The following COL22A1 variants were observed in gnomAD, a reference collection of about 807,000 sequenced individuals.
The protein encoded by COL22A1 is collagen type XXII alpha 1 chain.
A neutral mutation model predicts 248.9 loss-of-function variants in COL22A1; 221 were observed. That is an observed-to-expected ratio of 0.89 (90% confidence interval 0.80 to 0.99). The LOEUF (loss-of-function observed/expected upper bound fraction) is 0.99. Among genes scored for constraint, COL22A1 ranks in the 50% least tolerant of loss-of-function variants. COL22A1 has a pLI of 0.00. For synonymous variants in COL22A1, 891 were observed against 793.4 expected, an observed-to-expected ratio of 1.12 and a Z score of -2.07; for missense variants, 2,240 against 2,179.0, an observed-to-expected ratio of 1.03 and a Z score of -0.56.
intron 10 of COL22A1, 66 bp downstream of exon 10, chr8:138,807,702 T>C: frequency 1.4e-6 from 2 of 1,479,748 alleles, no homozygotes; most frequent in Non-Finnish European, 9.4e-7. Context: ...TCTTTTGTCT[T>C]ATATAGACAG....
At chr8:138,785,270 G>T (rs1815417701) in intron 12 of COL22A1, among the ~76,000 whole-genome samples, 1 of 152,160 alleles carries the variant, frequency 6.6e-6, no homozygotes, top group Admixed American at 6.5e-5. Context: ...GAGCAATAAA[G>T]TGGGCTCAGC....
intron 3 of COL22A1, among the ~76,000 whole-genome samples, chr8:138,864,821 T>C (rs555397029): frequency 7.2e-5 from 11 of 152,268 alleles, no homozygotes; most frequent in African/African-American, 2.6e-4. Flanking sequence ...CAGCCCAACC[T>C]GAGCACAGGC....
In COL22A1 at chr8:138,679,634, C is replaced by T; in HGVS notation, c.3055G>A (p.Gly1019Arg). 1 of 1,614,088 alleles carries T rather than the reference C, an allele frequency of 6.2e-7. No homozygotes were observed. Among genetic ancestry groups the T allele is most frequent in the Non-Finnish European group, 8.5e-7 (1 of 1,179,960 alleles). The change falls in exon 40 of 65, where the codon GGA becomes AGA. Residue 1019 changes from glycine (G) to arginine (R), a missense_variant. Transcript: ENST00000303045. ...TCACTGACCTTAACACATTGCCCTC[C>T]CAGTGCACAGTTTTCTGACCCTCTG... ...KVRGSENCAL[G>R]GQCVKGDRGA...
intron 12 of COL22A1, among the ~76,000 whole-genome samples, chr8:138,796,614 C>T (rs1217236372): frequency 2.0e-5 from 3 of 151,720 alleles, no homozygotes; most frequent in Non-Finnish European, 4.4e-5. Flanking sequence ...CTGTCTCCAC[C>T]TTCTCTCTTT....
intron 39 of COL22A1, among the ~76,000 whole-genome samples, chr8:138,681,562 GC>G (rs1458044793): frequency 6.6e-6 from 1 of 152,098 alleles, no homozygotes; most frequent in Non-Finnish European, 1.5e-5. Flanking sequence ...TGCCCTCTAG[GC>G]CCTGAGGGTC....
intron 16 of COL22A1, among the ~76,000 whole-genome samples, chr8:138,772,079 C>A (rs938961774): frequency 2.3e-5 from 3 of 132,698 alleles, no homozygotes; most frequent in Admixed American, 7.1e-5. Flanking sequence ...TTCGTCTAAC[C>A]CTGAGCGTGG....
chr8:138,661,048 ACACACG>A lies in COL22A1; in HGVS notation c.3241-574_3241-569del, dbSNP rs1564159226. Among the ~76,000 whole-genome samples the A allele has an allele frequency of 6.4e-4, 96 of 149,288 alleles. No homozygotes were observed. The East Asian group carries it at 0.017, about 27-fold the overall frequency. On this transcript the variant is annotated intron_variant, in intron 43 of 64. Transcript: ENST00000303045. Reference sequence around the variant, plus strand: ...TACACACACATATACAGACACACACACACACGCACACACACCCACATACACATACAT... The same window carrying A: ...TACACACACATATACAGACACACACACACACACACCCACATACACATACAT...
Position 138,634,427 on chromosome 8 carries a change from C to T in COL22A1, c.3609+583G>A, listed in dbSNP as rs535670135. Reference sequence around the variant, plus strand: ...TAATTTCCAGTGCCTGTTGCCATGGCTACCCATGATGGATATGTGGGCTGC... The same window carrying T: ...TAATTTCCAGTGCCTGTTGCCATGGTTACCCATGATGGATATGTGGGCTGC... On this transcript the variant is annotated intron_variant, in intron 49 of 64. Transcript: ENST00000303045. 4.1e-4 allele frequency among the ~76,000 whole-genome samples: 62 copies of T among 152,160 alleles called. 1 individual carries two copies. The highest frequency in any genetic ancestry group is 1.4e-3 in the African/African-American group (59 of 41,546).
At chr8:138,788,623 A>G (rs1815754018) in intron 12 of COL22A1, among the ~76,000 whole-genome samples, 1 of 152,170 alleles carries the variant, frequency 6.6e-6, no homozygotes, top group African/African-American at 2.4e-5. Context: ...CTGAGGTTTT[A>G]GGAGTTACAG....
chr8:138,796,389 C>CTTTTTTTTTTTTTTTTTTTTTTTT (rs11284610), intron 12 of COL22A1, among the ~76,000 whole-genome samples: 5 of 26,312 alleles, frequency 1.9e-4, no homozygotes, highest in African/African-American at 4.0e-4. Flanking sequence ...TGCTACTTTC[C>CTTTTTTTTTTTTTTTTTTTTTTTT]TTTTTTTTTT....
rs1319304876 is a variant in COL22A1, at chr8:138,780,953, CA to C, written c.1623del (p.Arg543GlufsTer7). On this transcript the variant is annotated frameshift_variant, in exon 13 of 65. Coordinates refer to ENST00000303045, the MANE Select transcript of COL22A1 (RefSeq NM_152888.3). LOFTEE classifies it high-confidence loss of function. Reference protein sequence around the residue: ...EKGSLGLPGPPGRDGSKGMRG... With the variant: ...EKGSLGLPGPXGRDGSKGMRG... ...CTCATGCCTTTGCTGCCGTCTCTCC[CA>C]GGGGGGCCGGGCAGGCCCAGGGAAC... 11 of 1,611,996 alleles carry C rather than the reference CA, an allele frequency of 6.8e-6. 1 individual carries two copies. Among genetic ancestry groups the C allele is most frequent in the East Asian group, 4.5e-5 (2 of 44,848 alleles).
intron 57 of COL22A1, among the ~76,000 whole-genome samples, chr8:138,607,518 T>C (rs1455798514): frequency 6.6e-6 from 1 of 152,074 alleles, no homozygotes; most frequent in Non-Finnish European, 1.5e-5. Flanking sequence ...ACCTACCTGT[T>C]GATCCTTTTT....
In COL22A1 at chr8:138,598,875, G is replaced by C; in HGVS notation, c.4209C>G (p.Asp1403Glu). Reference sequence around the variant, plus strand: ...GGCCTTTTCCACCAGGAGGTCCTTTGTCACCTTTGATCCCAGGATCTCCCT... The same window carrying C: ...GGCCTTTTCCACCAGGAGGTCCTTTCTCACCTTTGATCCCAGGATCTCCCT... ...GERGDPGIKG[D>E]KGPPGGKGQP... Residue 1403 changes from aspartate to glutamate, a missense_variant, in exon 61 of 65, where the codon GAC becomes GAG. Asp to Glu is a conservative substitution (Grantham distance 45, BLOSUM62 2). Coordinates refer to ENST00000303045, the MANE Select transcript of COL22A1 (RefSeq NM_152888.3). 1 of 1,614,064 alleles carries C rather than the reference G, an allele frequency of 6.2e-7. No individual in the cohort carries two copies. The highest frequency in any genetic ancestry group is 8.5e-7 in the Non-Finnish European group (1 of 1,180,012).
intron 36 of COL22A1, among the ~76,000 whole-genome samples, chr8:138,690,563 C>A (rs1408216878): frequency 6.6e-6 from 1 of 152,122 alleles, no homozygotes; most frequent in African/African-American, 2.4e-5. Flanking sequence ...GGTGTTGATT[C>A]CAACACCAGT....
rs561815899 is a variant in COL22A1, at chr8:138,619,761, AC to A, written c.3772-254del. Among the ~76,000 whole-genome samples, 75 of 151,976 alleles carry A rather than the reference AC, an allele frequency of 4.9e-4. No individual in the cohort carries two copies. The East Asian group carries it at 0.014, about 29-fold the overall frequency. Reference sequence around the variant, plus strand: ...CATCTCCAAATTAATTATGCTTAGTACCCCCCTTTCACTATCAGAAGCATCT... The same window carrying A: ...CATCTCCAAATTAATTATGCTTAGTACCCCCTTTCACTATCAGAAGCATCT... On this transcript the variant is annotated intron_variant, in intron 52 of 64. Coordinates refer to ENST00000303045, the MANE Select transcript of COL22A1 (RefSeq NM_152888.3).
At chr8:138,796,231 A>G (rs888577823) in intron 12 of COL22A1, among the ~76,000 whole-genome samples, 1 of 152,050 alleles carries the variant, frequency 6.6e-6, no homozygotes, top group Non-Finnish European at 1.5e-5. Context: ...AAGCCTGTGC[A>G]TATTTTACTG....
chr8:138,763,790 C>A (rs1490228431), intron 16 of COL22A1, among the ~76,000 whole-genome samples: 4 of 152,194 alleles, frequency 2.6e-5, no homozygotes, highest in Non-Finnish European at 5.9e-5. Context: ...AGTGTCCCCT[C>A]CTGACCTTTT....
chr8:138,700,009 G>GGGC, intron 32 of COL22A1, 103 bp downstream of exon 32: 1 of 1,073,870 alleles, frequency 9.3e-7, no homozygotes, highest in Non-Finnish European at 1.4e-6. Context: ...GAACGCGATG[G>GGGC]GGCTGAGTCC....
rs1833888388 is a variant in COL22A1, at chr8:138,766,040, C to G, written c.1804-3574G>C. On this transcript the variant is annotated intron_variant, in intron 16 of 64. Coordinates refer to ENST00000303045, the MANE Select transcript of COL22A1 (RefSeq NM_152888.3). ...TTTCAGCCATCTGCTCATCCACCCA[C>G]TCCCCTCAGACTTCAGCAAGGGCTG... Among the ~76,000 whole-genome samples, 2 of 152,256 alleles carry G rather than the reference C, an allele frequency of 1.3e-5. 1 individual carries two copies. The highest frequency in any genetic ancestry group is 4.1e-4 in the South Asian group (2 of 4,832).
Sources: gnomAD v4.1 joint callset for allele counts (sites outside exome capture counted in the v4.1 genomes callset) on GRCh38, gnomAD v4.1.1 for gene constraint, MANE v1.5 for transcripts, NCBI Gene and HGNC (gene_info 2026-07-23, HGNC 2026-07-21) for gene names.